Variants in CTCF observed in about 807,000 individuals in gnomAD.
CTCF encodes transcriptional repressor CTCF.
Under a neutral mutation model 72.3 loss-of-function variants are expected in CTCF, and 7 were observed. The observed-to-expected ratio is 0.10, with a 90% confidence interval of 0.06 to 0.18. The LOEUF is 0.18. CTCF is among the 10% of genes least tolerant of loss of function. The pLI is 1.00. For missense variants in CTCF, 516 were observed against 949.1 expected, an observed-to-expected ratio of 0.54 and a Z score of 6.00; for synonymous variants, 374 against 315.8, an observed-to-expected ratio of 1.18 and a Z score of -1.95.
At chr16:67,598,019 C>T (rs2142782177) in intron 2 of CTCF, among the ~76,000 whole-genome samples, 1 of 152,108 alleles carries the variant, frequency 6.6e-6, no homozygotes, top group African/African-American at 2.4e-5. Context: ...CTTTATTGCC[C>T]AGGCCAGAGT....
At position 67,629,051 on chromosome 16, in the gene CTCF, C is replaced by CAA. The variant is rs75890530; in HGVS notation, c.1702-332_1702-331dup. ...TGGGCGAAAGAGCAAGACTCCGTCT[C>CAA]AAAAAAAAAAAAAAAATTTCCTTAG... On this transcript the variant is annotated intron_variant, in intron 9 of 11. Coordinates refer to ENST00000264010, the MANE Select transcript of CTCF (RefSeq NM_006565.4). 7.3e-3 allele frequency among the ~76,000 whole-genome samples: 951 copies of CAA among 130,536 alleles called. 4 individuals are homozygous for CAA. Among genetic ancestry groups the CAA allele is most frequent in the Middle Eastern group, 0.02 (5 of 254 alleles). The allele number at this position is 130,536 out of a possible 152,430, so 85.6% of individuals were successfully genotyped here. A position where few individuals can be genotyped will look rare whatever the true frequency, so the allele number is the denominator to read the frequency against.
intron 2 of CTCF, among the ~76,000 whole-genome samples, chr16:67,597,858 A>G (rs1303022024): frequency 1.3e-5 from 2 of 152,194 alleles, no homozygotes; most frequent in African/African-American, 4.8e-5. Flanking sequence ...GTACCACATT[A>G]TATGAATTAT....
chr16:67,630,602 A>G (rs532168050), intron 10 of CTCF, among the ~76,000 whole-genome samples: 1 of 152,218 alleles, frequency 6.6e-6, no homozygotes, highest in African/African-American at 2.4e-5. Context: ...AAAAAATTTA[A>G]AAATTAGCCA....
intron 2 of CTCF, among the ~76,000 whole-genome samples, chr16:67,575,002 G>A (rs1279704331): frequency 1.3e-5 from 2 of 152,024 alleles, no homozygotes; most frequent in Non-Finnish European, 2.9e-5. Context: ...ACTAAGTATT[G>A]TTATTAACAT....
chr16:67,630,190 C>T, intron 10 of CTCF, among the ~76,000 whole-genome samples: 1 of 152,016 alleles, frequency 6.6e-6, no homozygotes, highest in East Asian at 1.9e-4. Context: ...ATGTTCTTAA[C>T]TTTTACATTT....
intron 10 of CTCF, among the ~76,000 whole-genome samples, chr16:67,634,908 G>A (rs184437311): frequency 1.3e-5 from 2 of 151,632 alleles, no homozygotes; most frequent in Non-Finnish European, 2.9e-5. Flanking sequence ...TTACCATGTT[G>A]GCCAGGCTTG....
intron 5 of CTCF, among the ~76,000 whole-genome samples, chr16:67,619,444 C>T (rs71393955): frequency 4.6e-5 from 7 of 151,840 alleles, no homozygotes; most frequent in African/African-American, 9.7e-5. Flanking sequence ...TCAAAAAAAA[C>T]CAAAAAAAAC....
intron 2 of CTCF, among the ~76,000 whole-genome samples, chr16:67,585,704 G>T (rs1298553261): frequency 6.6e-6 from 1 of 151,986 alleles, no homozygotes; most frequent in East Asian, 1.9e-4. Context: ...GGAATAGCAT[G>T]GTCACTATCA....
rs763868127 is a variant in CTCF at position 67,628,390 on chromosome 16, C to T, written c.1539C>T (p.His513=). 9.9e-6 allele frequency: 16 copies of T among 1,614,060 alleles called. No homozygotes were observed. Among genetic ancestry groups the T allele is most frequent in the Non-Finnish European group, 1.3e-5 (15 of 1,180,048 alleles). ...TTCAGGAGAGGCACATGATCATGCA[C>T]AAGCGCACCCACACCGGGGAGAAGC... ...ACRQERHMIM[H]KRTHTGEKPY... The change falls in exon 9 of 12, where the codon CAC becomes CAT. Residue 513 remains histidine (H), a synonymous_variant. Coordinates refer to ENST00000264010, the MANE Select transcript of CTCF (RefSeq NM_006565.4).
intron 2 of CTCF, among the ~76,000 whole-genome samples, chr16:67,589,666 T>C (rs940190876): frequency 6.6e-6 from 1 of 152,186 alleles, no homozygotes; most frequent in South Asian, 2.1e-4. Flanking sequence ...AAAGCTTATC[T>C]GGGAGTCAGC....
intron 2 of CTCF, among the ~76,000 whole-genome samples, chr16:67,607,942 C>T (rs1043619650): frequency 6.7e-6 from 1 of 148,568 alleles, no homozygotes; most frequent in African/African-American, 2.5e-5. Context: ...TCACTTAAAC[C>T]TGGGAGGCAG....
intron 4 of CTCF, chr16:67,615,262 C>T (rs1156302785): frequency 2.6e-5 from 4 of 152,274 alleles, no homozygotes; most frequent in Non-Finnish European, 5.9e-5. Flanking sequence ...CTTATGCAGG[C>T]CTTTCTCTGC....
intron 4 of CTCF, among the ~76,000 whole-genome samples, chr16:67,614,147 G>A (rs1189438410): frequency 6.6e-6 from 1 of 151,986 alleles, no homozygotes; most frequent in African/African-American, 2.4e-5. Context: ...AGGAGTTCAA[G>A]ACCAGCCTGG....
intron 2 of CTCF, among the ~76,000 whole-genome samples, chr16:67,583,528 A>G (rs1230242355): frequency 6.6e-6 from 1 of 151,904 alleles, no homozygotes; most frequent in Admixed American, 6.6e-5. Context: ...CTCTACTGAA[A>G]ATACAAAACT....
At chr16:67,621,892 C>T (rs1174690686) in intron 7 of CTCF, among the ~76,000 whole-genome samples, 2 of 151,902 alleles carry the variant, frequency 1.3e-5, no homozygotes, top group Non-Finnish European at 2.9e-5. Flanking sequence ...AGCCTTCCTT[C>T]CCCAAATAGG....
chr16:67,586,856 C>T (rs2051675411), intron 2 of CTCF, among the ~76,000 whole-genome samples: 1 of 151,816 alleles, frequency 6.6e-6, no homozygotes, highest in African/African-American at 2.4e-5. Flanking sequence ...TGCAGTGGCA[C>T]AATCTCAGCT....
Position 67,613,001 on chromosome 16 carries a change from T to C in CTCF, c.952+880T>C, listed in dbSNP as rs1204686302. On this transcript the variant is annotated intron_variant, in intron 4 of 11. Transcript: ENST00000264010. ...ACGTCAAGGAAGATAATTCATAATT[T>C]CAGAATGGAAAAGCTAAGGCACCAT... Among the ~76,000 whole-genome samples the C allele has an allele frequency of 3.9e-5, 6 of 152,350 alleles. No individual in the cohort carries two copies. The East Asian group carries it at 1.2e-3, about 29-fold the overall frequency.
intron 10 of CTCF, among the ~76,000 whole-genome samples, chr16:67,636,105 T>G (rs1394935164): frequency 6.6e-6 from 1 of 151,032 alleles, no homozygotes; most frequent in Non-Finnish European, 1.5e-5. Flanking sequence ...GCTGGGCACG[T>G]TGGCTCATGC....
chr16:67,604,824 C>T (rs2051951560), intron 2 of CTCF, among the ~76,000 whole-genome samples: 1 of 141,048 alleles, frequency 7.1e-6, no homozygotes, highest in South Asian at 2.2e-4. Flanking sequence ...ATGTTTGTGG[C>T]TTGCATTATA....
Sources: allele counts gnomAD v4.1 joint callset (sites outside exome capture counted in the v4.1 genomes callset), GRCh38; gene constraint gnomAD v4.1.1; transcripts MANE v1.5; gene names NCBI Gene and HGNC (gene_info 2026-07-23, HGNC 2026-07-21).